The following PLA2G4A variants were observed in gnomAD, a reference collection of about 807,000 sequenced individuals.
PLA2G4A encodes phospholipase A2 group IVA.
Under a neutral mutation model 81.9 loss-of-function variants are expected in PLA2G4A, and 40 were observed. The observed-to-expected ratio is 0.49, with a 90% CI of 0.38 to 0.64. The LOEUF is 0.64. PLA2G4A is among the 30% of genes least tolerant of loss of function. The pLI is 0.00. For missense variants in PLA2G4A, 715 were observed against 905.1 expected (o/e 0.79, Z 2.69); for synonymous variants, 302 against 296.9 (o/e 1.02, Z -0.18).
chr1:186,856,850 A>C (rs1187484465), intron 2 of PLA2G4A, among the ~76,000 whole-genome samples: 4 of 151,280 alleles, frequency 2.6e-5, no homozygotes, highest in Non-Finnish European at 1.5e-5. Flanking sequence ...AGAGAAAATG[A>C]CTTTTCTGAA....
In PLA2G4A at chr1:186,928,952, G is replaced by C. The variant is rs77985582; in HGVS notation, c.559-3811G>C. Among the ~76,000 whole-genome samples, 569 of 152,276 alleles carry C rather than the reference G, an allele frequency of 3.7e-3. 3 individuals are homozygous for C. The highest frequency in any genetic ancestry group is 0.013 in the African/African-American group (536 of 41,544). ...CACTTACTTGATTCTCTTAGAATTAGAGCCATGACTAACAGCTGAACCTTA... is the reference window on the plus strand; with the variant it reads ...CACTTACTTGATTCTCTTAGAATTACAGCCATGACTAACAGCTGAACCTTA... On this transcript the variant is annotated intron_variant, in intron 7 of 17. Transcript: ENST00000367466.
At chr1:186,865,672 T>C (rs1489622924) in intron 2 of PLA2G4A, among the ~76,000 whole-genome samples, 1 of 152,230 alleles carries the variant, frequency 6.6e-6, no homozygotes, top group East Asian at 1.9e-4. Context: ...CAGAATCTAC[T>C]TTATTTTCCA....
In PLA2G4A at chr1:186,857,077, T is replaced by TAATATATATTATAGAATA. The variant is rs1468383735; in HGVS notation, c.33+2690_33+2691insAATATATATTATAGAATA. Among the ~76,000 whole-genome samples, 26 of 18,188 alleles carry TAATATATATTATAGAATA rather than the reference T, an allele frequency of 1.4e-3. 7 individuals are homozygous for TAATATATATTATAGAATA. Among genetic ancestry groups the TAATATATATTATAGAATA allele is most frequent in the South Asian group, 7.9e-3 (6 of 762 alleles). 11.9% of individuals were successfully genotyped at this position (18,188 alleles called of 152,430 possible). On this transcript the variant is annotated intron_variant, in intron 2 of 17. Transcript: ENST00000367466. ...GTCTGCCATGCAGCCCCCACATATA[T>TAATATATATTATAGAATA]TATACATATATAATATATAATATAA... is the stretch of plus-strand genomic sequence containing the variant.
chr1:186,926,683 C>T (rs1284656474), intron 7 of PLA2G4A, among the ~76,000 whole-genome samples: 2 of 152,102 alleles, frequency 1.3e-5, no homozygotes, highest in African/African-American at 4.8e-5. Context: ...TAGACCTCAA[C>T]GTTGAATTAA....
chr1:186,933,290 A>T (rs1379858224), intron 8 of PLA2G4A, among the ~76,000 whole-genome samples: 1 of 152,166 alleles, frequency 6.6e-6, no homozygotes, highest in South Asian at 2.1e-4. Flanking sequence ...GATTCACTAC[A>T]TATTCATTTT....
At chr1:186,923,771 C>T (rs1440674000) in intron 7 of PLA2G4A, among the ~76,000 whole-genome samples, 1 of 152,224 alleles carries the variant, frequency 6.6e-6, no homozygotes, top group African/African-American at 2.4e-5. Flanking sequence ...TGACTGTCAA[C>T]TTTATTTGGG....
Position 186,939,215 on chromosome 1 carries a change from A to C in PLA2G4A, c.903A>C (p.Glu301Asp). The change falls in exon 9 of 18, where the codon GAA (glutamate) becomes GAC (aspartate). Residue 301 changes from glutamate to aspartate, a missense_variant. By Grantham distance (45) the Glu-to-Asp change is conservative. Coordinates refer to ENST00000367466, the MANE Select transcript of PLA2G4A (RefSeq NM_024420.3). Reference protein sequence around the residue: ...FTDIFGMLIGETLIHNRMNTT... With the variant: ...FTDIFGMLIGDTLIHNRMNTT... ...ATATCTTTGGGATGTTAATAGGAGAAACACTAATTCATAATGTAAGTTACA... is the reference window on the plus strand; with the variant it reads ...ATATCTTTGGGATGTTAATAGGAGACACACTAATTCATAATGTAAGTTACA... The C allele has an allele frequency of 6.5e-7, 1 of 1,538,722 alleles. No homozygotes were observed. The highest frequency in any genetic ancestry group is 2.3e-5 in the East Asian group (1 of 44,442).
intron 7 of PLA2G4A, among the ~76,000 whole-genome samples, chr1:186,928,403 C>T (rs915925205): frequency 2.7e-4 from 41 of 152,096 alleles, no homozygotes; most frequent in African/African-American, 9.7e-4. Context: ...GTGGGTGGGC[C>T]TCATCCAATC....
intron 3 of PLA2G4A, among the ~76,000 whole-genome samples, chr1:186,880,501 AT>A (rs932493804): frequency 6.6e-6 from 1 of 151,928 alleles, no homozygotes; most frequent in East Asian, 1.9e-4. Flanking sequence ...TTCTAGAGAC[AT>A]TTTTGTCAAA....
chr1:186,843,235 T>C (rs2205897), intron 1 of PLA2G4A, among the ~76,000 whole-genome samples: 127,677 of 152,148 alleles, frequency 0.84, 53,742 homozygotes, highest in African/African-American at 0.9. Context: ...TAAAGTATCT[T>C]GTACTTGGGA....
chr1:186,836,538 A>T (rs1269090631), intron 1 of PLA2G4A, among the ~76,000 whole-genome samples: 1 of 152,110 alleles, frequency 6.6e-6, no homozygotes, highest in Non-Finnish European at 1.5e-5. Context: ...GGAAAATGCA[A>T]TTTTTTAATA....
chr1:186,840,267 A>G (rs1651932347), intron 1 of PLA2G4A, among the ~76,000 whole-genome samples: 1 of 152,068 alleles, frequency 6.6e-6, no homozygotes, highest in Non-Finnish European at 1.5e-5. Context: ...AAAGATTAAG[A>G]ACCCCCAAGT....
At chr1:186,979,827 C>A (rs1278127074) in intron 17 of PLA2G4A, among the ~76,000 whole-genome samples, 6 of 151,320 alleles carry the variant, frequency 4.0e-5, no homozygotes, top group Non-Finnish European at 8.8e-5. Context: ...TGAATGGAAC[C>A]AGAAGTGTAG....
intron 7 of PLA2G4A, among the ~76,000 whole-genome samples, chr1:186,923,614 G>T (rs1655441006): frequency 6.6e-6 from 1 of 152,240 alleles, no homozygotes; most frequent in African/African-American, 2.4e-5. Context: ...GGTGTGAACT[G>T]AGGGATGCAA....
At chr1:186,951,795 C>A (rs372123245) in intron 13 of PLA2G4A, among the ~76,000 whole-genome samples, 1 of 152,032 alleles carries the variant, frequency 6.6e-6, no homozygotes, top group Non-Finnish European at 1.5e-5. Flanking sequence ...TGTTGTCTTG[C>A]GAACATTAAA....
chr1:186,921,562 G>C (rs1351427561), intron 7 of PLA2G4A, among the ~76,000 whole-genome samples: 3 of 152,104 alleles, frequency 2.0e-5, no homozygotes, highest in Non-Finnish European at 4.4e-5. Context: ...TAAGCAAGCT[G>C]TCAACGGAGA....
intron 2 of PLA2G4A, among the ~76,000 whole-genome samples, chr1:186,867,881 G>A (rs1205635057): frequency 6.6e-6 from 1 of 151,672 alleles, no homozygotes; most frequent in South Asian, 2.1e-4. Context: ...TCTATTTCTA[G>A]CTCACTGAAA....
chr1:186,838,926 T>C lies in PLA2G4A; in HGVS notation c.-70+9891T>C, dbSNP rs550515706. On this transcript the variant is annotated intron_variant, in intron 1 of 17. Coordinates refer to ENST00000367466, the MANE Select transcript of PLA2G4A (RefSeq NM_024420.3). ...ATTTCTTCACCCTGACATAAATCTT[T>C]CATTTTGCATCTAAAAGTCACTTCC... Among the ~76,000 whole-genome samples the C allele has an allele frequency of 5.3e-5, 8 of 152,336 alleles. No individual in the cohort carries two copies. In the East Asian group the frequency reaches 1.5e-3, roughly 29 times the overall value.
At chr1:186,841,203 C>T (rs1364121336) in intron 1 of PLA2G4A, among the ~76,000 whole-genome samples, 1 of 152,014 alleles carries the variant, frequency 6.6e-6, no homozygotes, top group African/African-American at 2.4e-5. Context: ...CAATTTATAA[C>T]TATGATTCAA....
Sources: gnomAD v4.1 joint callset for allele counts (sites outside exome capture counted in the v4.1 genomes callset) on GRCh38, gnomAD v4.1.1 for gene constraint, MANE v1.5 for transcripts, NCBI Gene and HGNC (gene_info 2026-07-23, HGNC 2026-07-21) for gene names.